USP15: variants seen among roughly 807,000 people sequenced by gnomAD.
USP15 encodes the protein ubiquitin specific peptidase 15, also known as ubiquitin carboxyl-terminal hydrolase 15.
Under a neutral mutation model 127.1 loss-of-function variants are expected in USP15, and 18 were observed. The observed-to-expected ratio is 0.14, with a 90% CI of 0.10 to 0.21. USP15 has a LOEUF of 0.21. Ranked by LOEUF, USP15 falls within the 10% of genes least tolerant of loss-of-function variation. USP15 has a pLI of 1.00. For missense variants in USP15, 805 were observed against 1,159.9 expected (o/e 0.69, Z 4.44); for synonymous variants, 364 against 393.7 (o/e 0.92, Z 0.89).
chr12:62,276,860 TAAAA>T (rs750841009), intron 1 of USP15, among the ~76,000 whole-genome samples: 1 of 152,100 alleles, frequency 6.6e-6, no homozygotes, highest in Non-Finnish European at 1.5e-5. Context: ...TTTTCAGAAA[TAAAA>T]AGTAATGAAT....
chr12:62,399,153 A>T (rs981757588), intron 20 of USP15, among the ~76,000 whole-genome samples: 12 of 152,202 alleles, frequency 7.9e-5, no homozygotes, highest in Non-Finnish European at 1.5e-4. Context: ...TTGGGTTGAG[A>T]TCAACAAACT....
At chr12:62,368,021 T>A (rs2066534868) in intron 8 of USP15, among the ~76,000 whole-genome samples, 1 of 152,220 alleles carries the variant, frequency 6.6e-6, no homozygotes, top group Admixed American at 6.5e-5. Flanking sequence ...TTTGTTCTCA[T>A]TGGTTTCAAA....
chr12:62,276,553 A>C (rs1304033700), intron 1 of USP15, among the ~76,000 whole-genome samples: 4 of 152,060 alleles, frequency 2.6e-5, no homozygotes, highest in Non-Finnish European at 5.9e-5. Flanking sequence ...TTTATATGAG[A>C]TATCACTCAT....
chr12:62,369,288 A>G (rs1301619334), intron 8 of USP15, among the ~76,000 whole-genome samples: 1 of 152,220 alleles, frequency 6.6e-6, no homozygotes, highest in Non-Finnish European at 1.5e-5. Context: ...TTATATGTTC[A>G]TTTGGTCATA....
At chr12:62,321,847 A>T (rs1279271091) in intron 5 of USP15, among the ~76,000 whole-genome samples, 1 of 152,158 alleles carries the variant, frequency 6.6e-6, no homozygotes, top group East Asian at 1.9e-4. Flanking sequence ...CCCAGCTAAT[A>T]TTATAAGGTG....
At chr12:62,390,585 A>G (rs2067293298) in intron 14 of USP15, among the ~76,000 whole-genome samples, 1 of 152,136 alleles carries the variant, frequency 6.6e-6, no homozygotes, top group African/African-American at 2.4e-5. Flanking sequence ...TTTTAGCAAC[A>G]ATATATACCA....
At chr12:62,341,975 C>T (rs1451075736) in intron 6 of USP15, among the ~76,000 whole-genome samples, 2 of 152,134 alleles carry the variant, frequency 1.3e-5, no homozygotes, top group African/African-American at 4.8e-5. Flanking sequence ...GGAAGTTCTC[C>T]TGAGAGTTCA....
intron 2 of USP15, among the ~76,000 whole-genome samples, chr12:62,297,641 T>A (rs919223827): frequency 3.3e-5 from 5 of 152,218 alleles, no homozygotes; most frequent in African/African-American, 1.2e-4. Flanking sequence ...AAAAAAAGTT[T>A]GAGATGTTCT....
chr12:62,307,613 T>C (rs896019506), intron 3 of USP15, among the ~76,000 whole-genome samples: 1 of 152,146 alleles, frequency 6.6e-6, no homozygotes, highest in East Asian at 1.9e-4. Context: ...CAAGCAACCA[T>C]GGTCCAAAAA....
intron 6 of USP15, among the ~76,000 whole-genome samples, chr12:62,328,102 AGAG>A (rs753693839): frequency 9.2e-5 from 14 of 152,336 alleles, no homozygotes; most frequent in Non-Finnish European, 1.8e-4. Context: ...AATTTAAGTA[AGAG>A]GAGAAGATAA....
At chr12:62,332,473 T>C (rs2065333486) in intron 6 of USP15, among the ~76,000 whole-genome samples, 1 of 152,144 alleles carries the variant, frequency 6.6e-6, no homozygotes, top group Non-Finnish European at 1.5e-5. Flanking sequence ...GACGTGTAGC[T>C]AGTAAAATCT....
rs151253164 is a variant in USP15 at position 62,406,981 on chromosome 12, T to G, written c.*2606T>G. ...CTCTGTCTCAAAAAAAAAAAAGATA[T>G]TCATAGGTAATACAGGGTAATGGGA... On this transcript the variant is annotated 3_prime_UTR_variant, in exon 22 of 22. Coordinates refer to ENST00000280377, the MANE Select transcript of USP15 (RefSeq NM_001252078.2). 2.0e-5 allele frequency: 3 copies of G among 152,014 alleles called. No homozygotes were observed. Among genetic ancestry groups the G allele is most frequent in the Non-Finnish European group, 4.4e-5 (3 of 67,992 alleles). 9.4% of individuals were successfully genotyped at this position (152,014 alleles called of 1,614,324 possible).
chr12:62,263,052 G>A (rs1462732286), intron 1 of USP15, among the ~76,000 whole-genome samples: 2 of 152,260 alleles, frequency 1.3e-5, no homozygotes, highest in Non-Finnish European at 2.9e-5. Flanking sequence ...GCAAAAATTT[G>A]ATTCAGAATT....
intron 21 of USP15, among the ~76,000 whole-genome samples, chr12:62,402,137 G>C (rs1417358920): frequency 6.6e-6 from 1 of 151,264 alleles, no homozygotes; most frequent in African/African-American, 2.4e-5. Flanking sequence ...CCTAATCTTG[G>C]CTTCAAATAA....
intron 7 of USP15, among the ~76,000 whole-genome samples, chr12:62,354,568 T>G (rs1253279378): frequency 6.6e-6 from 1 of 151,988 alleles, no homozygotes; most frequent in African/African-American, 2.4e-5. Flanking sequence ...AGGGATCGTT[T>G]AACTTATTTT....
At chr12:62,355,522 T>C in intron 8 of USP15, 47 bp downstream of exon 8, 3 of 1,518,948 alleles carry the variant, frequency 2.0e-6, no homozygotes, top group Non-Finnish European at 2.6e-6. Context: ...TGGAAATCTG[T>C]AATACAAGAA....
chr12:62,335,472 T>C, intron 6 of USP15: 1 of 1,279,164 alleles, frequency 7.8e-7, no homozygotes, highest in Non-Finnish European at 9.9e-7. Flanking sequence ...TTAAGGACAG[T>C]CCCTCTACTC....
chr12:62,383,212 A>AT (rs745991964), intron 9 of USP15, among the ~76,000 whole-genome samples: 1 of 151,898 alleles, frequency 6.6e-6, no homozygotes, highest in Non-Finnish European at 1.5e-5. Context: ...CTACTGAACC[A>AT]TTACTCCTAG....
intron 8 of USP15, among the ~76,000 whole-genome samples, chr12:62,372,172 G>T (rs1474664792): frequency 6.6e-6 from 1 of 152,196 alleles, no homozygotes; most frequent in African/African-American, 2.4e-5. Flanking sequence ...AGATTGCACA[G>T]TAATTTTAGT....
Sources: allele counts gnomAD v4.1 joint callset (sites outside exome capture counted in the v4.1 genomes callset), GRCh38; gene constraint gnomAD v4.1.1; transcripts MANE v1.5; gene names NCBI Gene and HGNC (gene_info 2026-07-23, HGNC 2026-07-21).